Variants in STRIP1 observed in about 807,000 individuals in gnomAD.
STRIP1 encodes striatin interacting protein 1, also known as striatin-interacting protein 1.
In STRIP1, 63 loss-of-function variants were observed where a neutral mutation model predicts 106.2. The ratio of observed to expected loss-of-function variants is 0.59; its 90% CI spans 0.48 to 0.73. The LOEUF is 0.73. Ranked by LOEUF, STRIP1 falls within the 30% of genes least tolerant of loss-of-function variation. The pLI is 0.00. For missense variants in STRIP1, 857 were observed against 1,074.8 expected (o/e 0.80, Z 2.83); for synonymous variants, 390 against 413.0 (o/e 0.94, Z 0.67).
At chr1:110,044,942 C>T in intron 11 of STRIP1, 37 bp downstream of exon 11, 7 of 1,613,776 alleles carry the variant, frequency 4.3e-6, no homozygotes, top group Non-Finnish European at 5.9e-6. Context: ...TGTTAGCTCT[C>T]CCGGCCTTTG....
chr1:110,031,931 G>A (rs1318816980), upstream of STRIP1, among the ~76,000 whole-genome samples: 1 of 142,252 alleles, frequency 7.0e-6, no homozygotes, highest in African/African-American at 2.6e-5. Flanking sequence ...ATAGGGTCTC[G>A]CTCTGTTGCC....
intron 15 of STRIP1, 155 bp downstream of exon 15, chr1:110,048,024 G>A: frequency 1.5e-6 from 1 of 648,448 alleles, no homozygotes. Flanking sequence ...AGATTAAAGA[G>A]TTTCACTGGT....
intron 15 of STRIP1, 29 bp downstream of exon 15, chr1:110,047,898 T>G (rs1653106517): frequency 1.3e-6 from 2 of 1,527,334 alleles, no homozygotes; most frequent in South Asian, 2.4e-5. Flanking sequence ...ATGAAGCAGG[T>G]GGGGCAGAAG....
chr1:110,044,042 G>A (rs1652905007), intron 10 of STRIP1, among the ~76,000 whole-genome samples, 186 bp downstream of exon 10: 1 of 152,244 alleles, frequency 6.6e-6, no homozygotes, highest in Non-Finnish European at 1.5e-5. Context: ...GGCCTTGCTG[G>A]TCTCACACAA....
chr1:110,040,524 C>T lies in STRIP1; in HGVS notation c.582-111C>T, dbSNP rs1219542947. 9 of 999,360 alleles carry T rather than the reference C, an allele frequency of 9.0e-6. No individual in the cohort carries two copies. The East Asian group carries it at 1.4e-4, about 15-fold the overall frequency. 61.9% of individuals were successfully genotyped at this position (999,360 alleles called of 1,614,324 possible). ...CCACCGTGTCCTGTGGCCTCTTGTG[C>T]AGTCCAAGCACGTATCACAGCATTT... On this transcript the variant is annotated intron_variant, in intron 5 of 20. Coordinates refer to ENST00000369795, the MANE Select transcript of STRIP1 (RefSeq NM_033088.4).
At chr1:110,037,853 T>C (rs755112891) in intron 1 of STRIP1, 38 bp from the exon 2 acceptor site, 1 of 1,417,592 alleles carries the variant, frequency 7.1e-7, no homozygotes, top group African/African-American at 1.4e-5. Context: ...ATAAATAGAA[T>C]GATCCTTTTT....
intron 14 of STRIP1, 69 bp from the exon 15 acceptor site, chr1:110,047,703 A>AGG: frequency 7.2e-6 from 11 of 1,531,488 alleles, no homozygotes; most frequent in Non-Finnish European, 8.9e-6. Context: ...GACCAACAGG[A>AGG]GGACTGCTCA....
At chr1:110,046,607 A>G in intron 12 of STRIP1, 73 bp from the exon 13 acceptor site, 1 of 1,338,330 alleles carries the variant, frequency 7.5e-7, no homozygotes, top group South Asian at 1.2e-5. Context: ...ATGTGTGGGG[A>G]TTTTGCTAGA....
At position 110,039,409 on chromosome 1, in the gene STRIP1, T is replaced by C. The variant is rs1244550694; in HGVS notation, c.475T>C (p.Cys159Arg). 2 of 1,613,866 alleles carry C rather than the reference T, an allele frequency of 1.2e-6. No individual in the cohort carries two copies. The highest frequency in any genetic ancestry group is 1.1e-5 in the South Asian group (1 of 91,030). Residue 159 changes from cysteine (C) to arginine (R), a missense_variant, in exon 5 of 21, where the codon TGC becomes CGC. Around this residue, in one of 2 missense-constraint regions of STRIP1, gnomAD observed 750 missense variants for 989.8 expected, o/e 0.76. Coordinates refer to ENST00000369795, the MANE Select transcript of STRIP1 (RefSeq NM_033088.4). ...LYVAQGTFGE[C>R]SSEAEVQSWM... is the part of the protein sequence containing the mutation. ...CTGCATTGCAGGCACGTTTGGGGAGTGCAGCTCGGAGGCAGAGGTGCAGTC... is the reference window on the plus strand; with the variant it reads ...CTGCATTGCAGGCACGTTTGGGGAGCGCAGCTCGGAGGCAGAGGTGCAGTC...
chr1:110,051,485 A>G (rs1263709337), intron 19 of STRIP1, among the ~76,000 whole-genome samples, 198 bp from the exon 20 acceptor site: 1 of 152,142 alleles, frequency 6.6e-6, no homozygotes, highest in Non-Finnish European at 1.5e-5. Flanking sequence ...AGGGTGACCA[A>G]CCATCCTGGT....
upstream of STRIP1, among the ~76,000 whole-genome samples, chr1:110,033,083 G>A (rs1264939518): frequency 2.0e-5 from 3 of 152,130 alleles, no homozygotes; most frequent in African/African-American, 7.2e-5. Context: ...GCATTTAGCT[G>A]TTTCATCTGT....
chr1:110,039,697 A>G, intron 5 of STRIP1, 182 bp downstream of exon 5: 1 of 983,486 alleles, frequency 1.0e-6, no homozygotes, highest in Non-Finnish European at 1.5e-6. Flanking sequence ...ATTAATGGAG[A>G]CTAATGACAG....
At position 110,039,420 on chromosome 1, in the gene STRIP1, G is replaced by A; in HGVS notation, c.486G>A (p.Glu162=). Residue 162 remains glutamate (E), a synonymous_variant, in exon 5 of 21, where the codon GAG becomes GAA. Coordinates refer to ENST00000369795, the MANE Select transcript of STRIP1 (RefSeq NM_033088.4). ...GCACGTTTGGGGAGTGCAGCTCGGA[G>A]GCAGAGGTGCAGTCCTGGATGCGCT... ...AQGTFGECSS[E]AEVQSWMRYN... is the part of the protein sequence containing the mutation. 1 of 1,614,110 alleles carries A rather than the reference G, an allele frequency of 6.2e-7. No individual in the cohort carries two copies. The highest frequency in any genetic ancestry group is 8.5e-7 in the Non-Finnish European group (1 of 1,179,982).
In STRIP1 at chr1:110,043,854, C is replaced by A; in HGVS notation, c.1284C>A (p.Val428=). ...AAGGGCTCCCGTGGGCTCCCAAGGT[C>A]AGGTGAGTCTCAGACCTCCAGAGCA... The part of the protein sequence containing the change: ...CPKGLPWAPK[V]REKDIEMFLE... Residue 428 remains valine, a splice_region_variant and synonymous_variant, in exon 10 of 21, where the codon GTC becomes GTA. Coordinates refer to ENST00000369795, the MANE Select transcript of STRIP1 (RefSeq NM_033088.4). 1 of 1,613,626 alleles carries A rather than the reference C, an allele frequency of 6.2e-7. No homozygotes were observed. The highest frequency in any genetic ancestry group is 1.1e-5 in the South Asian group (1 of 91,070).
intron 20 of STRIP1, 115 bp downstream of exon 20, chr1:110,052,002 A>G (rs1653325033): frequency 1.8e-6 from 2 of 1,125,116 alleles, no homozygotes; most frequent in African/African-American, 1.5e-5. Flanking sequence ...CCCCCAAGGA[A>G]CAGGAAGGAG....
At chr1:110,033,550 T>C (rs565945985), upstream of STRIP1, among the ~76,000 whole-genome samples, 1 of 152,360 alleles carries the variant, frequency 6.6e-6, no homozygotes, top group South Asian at 2.1e-4. Flanking sequence ...TTTCTTAAAC[T>C]GCATGGTAGA....
rs1652885867 is a variant in STRIP1 at position 110,043,734 on chromosome 1, C to T, written c.1164C>T (p.Asp388=). ...AAGAGGAAGAGGAGAATGATGATGA[C>T]AACAGTCTGGAGGGGGAGACGTTTC... ...SREEEEENDD[D]NSLEGETFPL... is the part of the protein sequence containing the mutation. Residue 388 remains aspartate (D), a synonymous_variant, in exon 10 of 21, where the codon GAC becomes GAT. Transcript: ENST00000369795. 3 of 1,614,028 alleles carry T rather than the reference C, an allele frequency of 1.9e-6. No homozygotes were observed. Among genetic ancestry groups the T allele is most frequent in the Non-Finnish European group, 2.5e-6 (3 of 1,180,004 alleles).
chr1:110,035,825 G>A (rs996657018), intron 1 of STRIP1, among the ~76,000 whole-genome samples: 1 of 152,192 alleles, frequency 6.6e-6, no homozygotes, highest in East Asian at 1.9e-4. Context: ...CAGTTCCTCA[G>A]AAGCTTTTAT....
intron 15 of STRIP1, 79 bp downstream of exon 15, chr1:110,047,948 G>A (rs996512570): frequency 1.4e-5 from 18 of 1,242,580 alleles, no homozygotes; most frequent in Non-Finnish European, 1.5e-5. Flanking sequence ...TTGTCAGGTT[G>A]GTTGTTGTTG....
Sources: allele counts gnomAD v4.1 joint callset (sites outside exome capture counted in the v4.1 genomes callset), GRCh38; gene constraint gnomAD v4.1.1; regional missense constraint gnomAD v4.1.1; transcripts MANE v1.5; gene names NCBI Gene and HGNC (gene_info 2026-07-23, HGNC 2026-07-21).